Variants in GABRB1 observed in about 807,000 individuals in gnomAD.
GABRB1 encodes the protein gamma-aminobutyric acid receptor subunit beta-1.
Under a neutral mutation model 51.6 loss-of-function variants are expected in GABRB1, and 17 were observed. The ratio of observed to expected loss-of-function variants is 0.33; its 90% CI spans 0.23 to 0.49. The LOEUF (loss-of-function observed/expected upper bound fraction) is 0.49. GABRB1 is among the 20% of genes least tolerant of loss of function. GABRB1 has a pLI of 0.99. For missense variants in GABRB1, 410 were observed against 600.6 expected, an observed-to-expected ratio of 0.68 and a Z score of 3.32; for synonymous variants, 247 against 218.9, an observed-to-expected ratio of 1.13 and a Z score of -1.14.
intron 4 of GABRB1, among the ~76,000 whole-genome samples, chr4:47,199,241 C>A (rs1295344474): frequency 6.6e-6 from 1 of 152,096 alleles, no homozygotes; most frequent in African/African-American, 2.4e-5. Context: ...ACTCAAATTG[C>A]AAAATAAGTT....
chr4:47,032,245 C>A (rs1231033634), intron 2 of GABRB1, among the ~76,000 whole-genome samples, 172 bp from the exon 3 acceptor site: 3 of 152,022 alleles, frequency 2.0e-5, no homozygotes, highest in Non-Finnish European at 4.4e-5. Context: ...ATAGTCACTG[C>A]ATCACGCGTG....
chr4:47,035,430 A>G (rs1172747100), intron 3 of GABRB1, among the ~76,000 whole-genome samples: 1 of 152,190 alleles, frequency 6.6e-6, no homozygotes, highest in Non-Finnish European at 1.5e-5. Flanking sequence ...AGATAAACAT[A>G]TCTACTTGAG....
In GABRB1 at chr4:47,269,643, A is replaced by G. The variant is rs145133353; in HGVS notation, c.462-50484A>G. On this transcript the variant is annotated intron_variant, in intron 4 of 8. Transcript: ENST00000295454. ...CTCTTATATTCTTTTTCTCTATTCT[A>G]TGTTTTTATGCTCTTTTGTTTTCTT... Among the ~76,000 whole-genome samples the G allele has an allele frequency of 1.0e-3, 152 of 152,034 alleles. 2 individuals carry two copies. The highest frequency in any genetic ancestry group is 3.5e-3 in the African/African-American group (147 of 41,464).
chr4:46,997,192 C>G (rs1379262132), intron 1 of GABRB1, among the ~76,000 whole-genome samples: 1 of 151,992 alleles, frequency 6.6e-6, no homozygotes, highest in East Asian at 1.9e-4. Context: ...TCACTCATTT[C>G]TTATTGTATG....
At chr4:47,106,697 C>G (rs1183029629) in intron 3 of GABRB1, among the ~76,000 whole-genome samples, 1 of 152,012 alleles carries the variant, frequency 6.6e-6, no homozygotes, top group Non-Finnish European at 1.5e-5. Context: ...TTCTCTCTAT[C>G]TTTCTTGCAT....
intron 3 of GABRB1, among the ~76,000 whole-genome samples, chr4:47,090,007 G>A (rs532172946): frequency 7.9e-5 from 12 of 152,242 alleles, no homozygotes; most frequent in African/African-American, 2.2e-4. Flanking sequence ...TCTGGCTAAC[G>A]TAATTTTAGT....
chr4:47,027,360 T>C (rs571532222), upstream of GABRB1, among the ~76,000 whole-genome samples: 40 of 151,674 alleles, frequency 2.6e-4, no homozygotes, highest in Non-Finnish European at 5.0e-4. Flanking sequence ...AATTGTTACA[T>C]AACAGGAAGT....
At chr4:47,351,701 T>G (rs1176959667) in intron 5 of GABRB1, among the ~76,000 whole-genome samples, 5 of 151,026 alleles carry the variant, frequency 3.3e-5, no homozygotes, top group Admixed American at 1.3e-4. Flanking sequence ...AGAATGATGA[T>G]TTCCAATTTC....
chr4:47,073,070 A>G (rs1727405323), intron 3 of GABRB1, among the ~76,000 whole-genome samples: 1 of 152,184 alleles, frequency 6.6e-6, no homozygotes, highest in African/African-American at 2.4e-5. Flanking sequence ...TTAACCTCAA[A>G]GTGTGTCTAC....
At chr4:47,283,843 ACT>A (rs1212570582) in intron 4 of GABRB1, among the ~76,000 whole-genome samples, 2 of 151,938 alleles carry the variant, frequency 1.3e-5, no homozygotes, top group African/African-American at 2.4e-5. Context: ...TTGTGGTGAA[ACT>A]CTCTTAGACT....
chr4:47,056,511 G>T (rs765479431), intron 3 of GABRB1, among the ~76,000 whole-genome samples: 3 of 152,054 alleles, frequency 2.0e-5, no homozygotes, highest in Non-Finnish European at 4.4e-5. Context: ...CTAGGCAATC[G>T]TTTTTTTCTC....
chr4:47,252,586 C>A (rs1722038015), intron 4 of GABRB1, among the ~76,000 whole-genome samples: 1 of 141,422 alleles, frequency 7.1e-6, no homozygotes, highest in Middle Eastern at 4.1e-3. Flanking sequence ...TGGCTCACTG[C>A]AACCTCTGCT....
intron 4 of GABRB1, among the ~76,000 whole-genome samples, chr4:47,185,855 C>T (rs1719155764): frequency 6.6e-6 from 1 of 151,818 alleles, no homozygotes; most frequent in South Asian, 2.1e-4. Flanking sequence ...AGTTGGCCTG[C>T]AAATCCCAGC....
chr4:47,143,961 A>G (rs1717044240), intron 3 of GABRB1, among the ~76,000 whole-genome samples: 1 of 151,884 alleles, frequency 6.6e-6, no homozygotes, highest in Admixed American at 6.6e-5. Flanking sequence ...ACTCCAAAAT[A>G]TGTGCTGAAA....
chr4:47,039,553 T>G (rs1477018405), intron 3 of GABRB1, among the ~76,000 whole-genome samples: 3 of 152,122 alleles, frequency 2.0e-5, no homozygotes, highest in Admixed American at 6.6e-5. Flanking sequence ...CATAGTTATC[T>G]TGGTCTATGT....
chr4:47,374,442 A>T (rs1459103200), intron 5 of GABRB1, among the ~76,000 whole-genome samples: 3 of 152,208 alleles, frequency 2.0e-5, no homozygotes, highest in Non-Finnish European at 4.4e-5. Flanking sequence ...GGAAACTGAA[A>T]CCCACTACTC....
intron 8 of GABRB1, among the ~76,000 whole-genome samples, chr4:47,412,545 T>A (rs1016717044): frequency 1.3e-5 from 2 of 152,232 alleles, no homozygotes; most frequent in African/African-American, 4.8e-5. Flanking sequence ...CCATATAGCA[T>A]TACATGTAAT....
rs1010513742 is a variant in GABRB1, at chr4:47,032,553, C to T, written c.240+69C>T. 2.7e-6 allele frequency: 4 copies of T among 1,457,894 alleles called. No homozygotes were observed. In the African/African-American group the frequency reaches 4.2e-5, roughly 15 times the overall value. 90.3% of individuals were successfully genotyped at this position (1,457,894 alleles called of 1,614,324 possible). Reference sequence around the variant, plus strand: ...TGGGAAATGGACAGGTCCCTTTGCCCTCTGCGTTTCATTGGCGGTCACCTC... The same window carrying T: ...TGGGAAATGGACAGGTCCCTTTGCCTTCTGCGTTTCATTGGCGGTCACCTC... On this transcript the variant is annotated intron_variant, in intron 3 of 8. Coordinates refer to ENST00000295454, the MANE Select transcript of GABRB1 (RefSeq NM_000812.4).
chr4:47,206,609 A>G (rs1720135741), intron 4 of GABRB1, among the ~76,000 whole-genome samples: 1 of 151,964 alleles, frequency 6.6e-6, no homozygotes, highest in African/African-American at 2.4e-5. Flanking sequence ...TCTTCAGAAC[A>G]CTAAAGATCT....
Sources: allele counts gnomAD v4.1 joint callset (sites outside exome capture counted in the v4.1 genomes callset), GRCh38; gene constraint gnomAD v4.1.1; transcripts MANE v1.5; gene names NCBI Gene and HGNC (gene_info 2026-07-23, HGNC 2026-07-21).